LRRC37A2: variants seen among roughly 807,000 people sequenced by gnomAD.
The protein encoded by LRRC37A2 is leucine rich repeat containing 37 member A2, also known as leucine-rich repeat-containing protein 37A2.
Under a neutral mutation model 68.8 loss-of-function variants are expected in LRRC37A2, and 9 were observed. The observed-to-expected ratio is 0.13, with a 90% CI of 0.08 to 0.23. The LOEUF (loss-of-function observed/expected upper bound fraction) is 0.23. LRRC37A2 is among the 10% of genes least tolerant of loss of function. The pLI, the probability that LRRC37A2 is intolerant of heterozygous loss-of-function variation, is 1.00. For missense variants in LRRC37A2, 168 were observed against 950.4 expected, an observed-to-expected ratio of 0.18 and a Z score of 10.82; for synonymous variants, 63 against 367.6, an observed-to-expected ratio of 0.17 and a Z score of 9.48.
chr17:46,473,801 C>T, the LRRC37A2 span, among the ~76,000 whole-genome samples: 2 of 79,332 alleles, frequency 2.5e-5, no homozygotes, highest in Non-Finnish European at 5.5e-5. Flanking sequence ...GAAGCTGAGA[C>T]AGGAGAATCA....
chr17:46,649,535 C>T, the LRRC37A2 span, among the ~76,000 whole-genome samples: 4 of 151,234 alleles, frequency 2.6e-5, no homozygotes, highest in Admixed American at 6.5e-5. Flanking sequence ...TGAAGTGAAG[C>T]GGTTGGTGTT....
At chr17:46,539,300 A>C in intron 6 of LRRC37A2, among the ~76,000 whole-genome samples, 1 of 116,472 alleles carries the variant, frequency 8.6e-6, no homozygotes, top group African/African-American at 3.3e-5. Context: ...GATTACATGC[A>C]ATGTAAGAAA....
chr17:46,900,204 C>CATACATATATAGAT, the LRRC37A2 span, among the ~76,000 whole-genome samples: 1 of 112,080 alleles, frequency 8.9e-6, no homozygotes, highest in African/African-American at 4.5e-5. Flanking sequence ...TATATATATA[C>CATACATATATAGAT]ACACACACAC....
chr17:46,837,862 A>G, the LRRC37A2 span, among the ~76,000 whole-genome samples: 1 of 152,188 alleles, frequency 6.6e-6, no homozygotes, highest in East Asian at 1.9e-4. Context: ...TGTGCACATC[A>G]CGGCCATATT....
At chr17:46,743,728 C>T in the LRRC37A2 span, among the ~76,000 whole-genome samples, 3 of 152,232 alleles carry the variant, frequency 2.0e-5, no homozygotes, top group African/African-American at 7.2e-5. Flanking sequence ...GCAGCAGCTC[C>T]TCACAGGCCC....
At chr17:46,464,543 CAGCCTG>C in the LRRC37A2 span, among the ~76,000 whole-genome samples, 1 of 84,612 alleles carries the variant, frequency 1.2e-5, no homozygotes, top group Admixed American at 1.2e-4. Context: ...CTTGTACACA[CAGCCTG>C]AAGGTAATCC....
At chr17:46,862,991 G>A in the LRRC37A2 span, among the ~76,000 whole-genome samples, 120 of 152,366 alleles carry the variant, frequency 7.9e-4, no homozygotes, top group African/African-American at 2.8e-3. Flanking sequence ...GAGGTTCAGA[G>A]GGAACGGGCC....
At chr17:46,638,745 T>C in the LRRC37A2 span, among the ~76,000 whole-genome samples, 1 of 130,786 alleles carries the variant, frequency 7.6e-6, no homozygotes, top group African/African-American at 3.2e-5. Context: ...TGACCTCAAG[T>C]GATCCTCCCA....
At chr17:46,743,517 C>T in the LRRC37A2 span, among the ~76,000 whole-genome samples, 1 of 152,196 alleles carries the variant, frequency 6.6e-6, no homozygotes, top group Non-Finnish European at 1.5e-5. Flanking sequence ...AAATAATCTA[C>T]CCCAAATCAC....
At chr17:46,791,372 T>C in the LRRC37A2 span, among the ~76,000 whole-genome samples, 1 of 152,072 alleles carries the variant, frequency 6.6e-6, no homozygotes, top group African/African-American at 2.4e-5. Context: ...CCTGGCTAAA[T>C]TTTTTTGTAT....
chr17:46,907,750 G>C, the LRRC37A2 span, among the ~76,000 whole-genome samples: 28 of 151,322 alleles, frequency 1.9e-4, no homozygotes, highest in Admixed American at 6.6e-4. Flanking sequence ...TACTCAGCGG[G>C]GGGGGTGAGG....
At chr17:46,978,456 A>T in the LRRC37A2 span, 1 of 594,004 alleles carries the variant, frequency 1.7e-6, no homozygotes, top group South Asian at 2.3e-5. Flanking sequence ...CAGCGCACAC[A>T]GGACAGAGCC....
In LRRC37A2 at chr17:46,545,314, G is replaced by A. The variant is rs1324390684; in HGVS notation, c.3054-941G>A. The stretch of plus-strand genomic sequence containing the variant: ...AAAAAAAAAAAAATTAGCTGGGCAT[G>A]GTGGTGCAAGCCTATACTCCCAGCT... On this transcript the variant is annotated intron_variant, in intron 8 of 14. Transcript: ENST00000576629. Among the ~76,000 whole-genome samples, 9 of 146,218 alleles carry A rather than the reference G, an allele frequency of 6.2e-5. No individual in the cohort carries two copies. In the East Asian group the frequency reaches 1.8e-3, roughly 29 times the overall value.
chr17:46,967,111 G>A, the LRRC37A2 span: 2 of 155,868 alleles, frequency 1.3e-5, no homozygotes, highest in Admixed American at 1.3e-4. Flanking sequence ...TGGTCCTCAG[G>A]GGAAGTGTAG....
At chr17:46,759,690 A>G in the LRRC37A2 span, among the ~76,000 whole-genome samples, 1 of 152,164 alleles carries the variant, frequency 6.6e-6, no homozygotes, top group African/African-American at 2.4e-5. Context: ...ATTAGGTAAC[A>G]CCAAGAATCA....
the LRRC37A2 span, among the ~76,000 whole-genome samples, chr17:46,873,272 C>T: frequency 6.6e-6 from 1 of 152,140 alleles, no homozygotes; most frequent in African/African-American, 2.4e-5. Flanking sequence ...CCCTCCTTCC[C>T]TTCCACTCCC....
the LRRC37A2 span, among the ~76,000 whole-genome samples, chr17:47,010,949 C>T: frequency 6.6e-6 from 1 of 152,146 alleles, no homozygotes; most frequent in South Asian, 2.1e-4. Flanking sequence ...GTCCGAAATT[C>T]TGGGATCTTG....
the LRRC37A2 span, among the ~76,000 whole-genome samples, chr17:46,679,337 TA>T: frequency 7.1e-6 from 1 of 140,932 alleles, no homozygotes; most frequent in Admixed American, 7.1e-5. Flanking sequence ...TTAAAAGTTT[TA>T]AAAATAAATT....
the LRRC37A2 span, among the ~76,000 whole-genome samples, chr17:46,913,245 A>AT: frequency 1.3e-5 from 2 of 152,258 alleles, no homozygotes; most frequent in East Asian, 3.8e-4. Context: ...TAAGTTAATG[A>AT]AACGGAGTCC....
Sources: allele counts gnomAD v4.1 joint callset (sites outside exome capture counted in the v4.1 genomes callset), GRCh38; gene constraint gnomAD v4.1.1; transcripts MANE v1.5; gene names NCBI Gene and HGNC (gene_info 2026-07-23, HGNC 2026-07-21).